ADAMTS6: variants seen among roughly 807,000 people sequenced by gnomAD.
ADAMTS6 encodes the protein A disintegrin and metalloproteinase with thrombospondin motifs 6.
A neutral mutation model predicts 144.3 loss-of-function variants in ADAMTS6; 23 were observed. The observed-to-expected ratio is 0.16, with a 90% CI of 0.11 to 0.23. The LOEUF (loss-of-function observed/expected upper bound fraction) is 0.23. ADAMTS6 is among the 10% of genes least tolerant of loss of function. ADAMTS6 has a pLI of 1.00. For synonymous variants in ADAMTS6, 444 were observed against 457.5 expected, an observed-to-expected ratio of 0.97 and a Z score of 0.38; for missense variants, 999 against 1,379.6, an observed-to-expected ratio of 0.72 and a Z score of 4.37.
At chr5:65,318,709 G>A (rs1426952232) in intron 9 of ADAMTS6, among the ~76,000 whole-genome samples, 1 of 152,002 alleles carries the variant, frequency 6.6e-6, no homozygotes, top group Non-Finnish European at 1.5e-5. Context: ...ATAGAGAGTA[G>A]AAGGATGGTT....
intron 24 of ADAMTS6, among the ~76,000 whole-genome samples, chr5:65,167,562 C>T (rs1280550457): frequency 7.0e-6 from 1 of 143,750 alleles, no homozygotes; most frequent in Non-Finnish European, 1.5e-5. Context: ...ATACCAAAGC[C>T]GGGCAGAGAC....
intron 1 of ADAMTS6, among the ~76,000 whole-genome samples, chr5:65,480,468 A>G (rs1023872168): frequency 2.6e-5 from 4 of 152,198 alleles, no homozygotes; most frequent in African/African-American, 9.7e-5. Flanking sequence ...GACAGTTGGC[A>G]TCTGGCCCAA....
chr5:65,308,751 C>G (rs1436511839), intron 9 of ADAMTS6, among the ~76,000 whole-genome samples: 1 of 152,128 alleles, frequency 6.6e-6, no homozygotes, highest in African/African-American at 2.4e-5. Context: ...GCAAACCCAT[C>G]ATCAAGGCTG....
intron 2 of ADAMTS6, among the ~76,000 whole-genome samples, chr5:65,473,278 C>G (rs969206248): frequency 6.6e-6 from 1 of 152,056 alleles, no homozygotes; most frequent in African/African-American, 2.4e-5. Context: ...CCCATAAACT[C>G]TAGTAATGAA....
At chr5:65,185,811 A>G (rs760086775) in intron 22 of ADAMTS6, among the ~76,000 whole-genome samples, 1 of 152,218 alleles carries the variant, frequency 6.6e-6, no homozygotes, top group Non-Finnish European at 1.5e-5. Flanking sequence ...GAATGGAAGC[A>G]TATCAGTTAA....
intron 7 of ADAMTS6, among the ~76,000 whole-genome samples, chr5:65,379,374 A>C (rs1049820508): frequency 8.5e-5 from 13 of 152,158 alleles, no homozygotes; most frequent in Non-Finnish European, 1.6e-4. Context: ...GTAAGACCAA[A>C]TAACTTCTAC....
chr5:65,361,031 A>G (rs559894420), intron 7 of ADAMTS6, among the ~76,000 whole-genome samples: 1 of 152,294 alleles, frequency 6.6e-6, no homozygotes, highest in East Asian at 1.9e-4. Flanking sequence ...TTATTTGTCA[A>G]TAAAGATTAT....
intron 10 of ADAMTS6, among the ~76,000 whole-genome samples, chr5:65,299,653 T>C (rs987577657): frequency 6.6e-6 from 1 of 152,116 alleles, no homozygotes. Context: ...CAAAATAAAA[T>C]ATGTAATCAC....
At chr5:65,273,105 A>G (rs989221921) in intron 12 of ADAMTS6, among the ~76,000 whole-genome samples, 2 of 152,214 alleles carry the variant, frequency 1.3e-5, no homozygotes, top group Admixed American at 6.5e-5. Context: ...AATATAACAT[A>G]CATATACCAA....
At chr5:65,329,333 G>T in intron 9 of ADAMTS6, 45 bp downstream of exon 9, 1 of 1,575,318 alleles carries the variant, frequency 6.3e-7, no homozygotes, top group South Asian at 1.1e-5. Flanking sequence ...AGTTGCTCAA[G>T]AGCAGAGTTC....
chr5:65,174,318 G>A (rs1404207408), intron 22 of ADAMTS6, among the ~76,000 whole-genome samples: 1 of 152,216 alleles, frequency 6.6e-6, no homozygotes, highest in Non-Finnish European at 1.5e-5. Context: ...GGGAAGCGAG[G>A]TGATTAACAG....
intron 15 of ADAMTS6, among the ~76,000 whole-genome samples, chr5:65,237,669 G>GAAGAATATTTACAAATTACAAT (rs1758785489): frequency 6.6e-6 from 1 of 152,090 alleles, no homozygotes; most frequent in Admixed American, 6.5e-5. Context: ...CAAATTACAA[G>GAAGAATATTTACAAATTACAAT]AAAAATATTT....
intron 7 of ADAMTS6, among the ~76,000 whole-genome samples, chr5:65,438,662 A>G (rs1757638310): frequency 6.6e-6 from 1 of 152,194 alleles, no homozygotes; most frequent in African/African-American, 2.4e-5. Flanking sequence ...ATCTTGAAAT[A>G]CTTGTTTTTG....
intron 7 of ADAMTS6, among the ~76,000 whole-genome samples, chr5:65,385,618 A>G (rs1752416130): frequency 6.6e-6 from 1 of 152,160 alleles, no homozygotes; most frequent in Non-Finnish European, 1.5e-5. Context: ...AATTTCTTAA[A>G]TTATTTACAT....
intron 11 of ADAMTS6, among the ~76,000 whole-genome samples, chr5:65,276,638 T>C (rs575717971): frequency 6.6e-6 from 1 of 152,310 alleles, no homozygotes; most frequent in South Asian, 2.1e-4. Context: ...TCCTAGAACA[T>C]GGATGATATA....
intron 12 of ADAMTS6, among the ~76,000 whole-genome samples, chr5:65,265,322 G>A (rs1282063011): frequency 6.6e-6 from 1 of 152,052 alleles, no homozygotes; most frequent in African/African-American, 2.4e-5. Context: ...TACTGATAAT[G>A]TATACTTGAG....
At chr5:65,208,802 G>C (rs78676550) in intron 20 of ADAMTS6, among the ~76,000 whole-genome samples, 1 of 152,034 alleles carries the variant, frequency 6.6e-6, no homozygotes, top group Non-Finnish European at 1.5e-5. Context: ...CTATAATATA[G>C]ATTATTACCT....
intron 7 of ADAMTS6, among the ~76,000 whole-genome samples, chr5:65,432,670 T>C (rs752323000): frequency 6.6e-6 from 1 of 152,152 alleles, no homozygotes; most frequent in Non-Finnish European, 1.5e-5. Context: ...ATTAGTTTTG[T>C]TGAGTTTGTT....
intron 24 of ADAMTS6, among the ~76,000 whole-genome samples, chr5:65,159,606 G>A (rs1384110042): frequency 6.6e-6 from 1 of 152,206 alleles, no homozygotes; most frequent in East Asian, 1.9e-4. Flanking sequence ...TGCTTCTGCT[G>A]ATTACCTGCT....
Sources: gnomAD v4.1 joint callset for allele counts (sites outside exome capture counted in the v4.1 genomes callset) on GRCh38, gnomAD v4.1.1 for gene constraint, MANE v1.5 for transcripts, NCBI Gene and HGNC (gene_info 2026-07-23, HGNC 2026-07-21) for gene names.